PCBD2: variants seen among roughly 807,000 people sequenced by gnomAD.
PCBD2 encodes the protein pterin-4 alpha-carbinolamine dehydratase 2.
PCBD2 carries 12 observed loss-of-function variants against 16.4 expected under a neutral mutation model. That is an observed-to-expected ratio of 0.73 (90% confidence interval 0.47 to 1.19). PCBD2 has a LOEUF of 1.19. Ranked by LOEUF, PCBD2 falls within the 50% of genes most tolerant of loss-of-function variation. PCBD2 has a pLI of 0.00. For synonymous variants in PCBD2, 58 were observed against 61.8 expected (o/e 0.94, Z 0.29); for missense variants, 138 against 156.8 (o/e 0.88, Z 0.64).
chr5:134,912,887 CT>C (rs1349176685), intron 2 of PCBD2, among the ~76,000 whole-genome samples: 1 of 152,120 alleles, frequency 6.6e-6, no homozygotes, highest in Non-Finnish European at 1.5e-5. Context: ...CTGATGGGTC[CT>C]CATTCATCTT....
At chr5:134,941,197 C>T (rs1372386978) in intron 2 of PCBD2, among the ~76,000 whole-genome samples, 3 of 151,360 alleles carry the variant, frequency 2.0e-5, no homozygotes, top group African/African-American at 4.9e-5. Context: ...ACACTGCCTG[C>T]ACCTTGGAGG....
At chr5:134,915,720 GGGT>G (rs1181589243) in intron 2 of PCBD2, among the ~76,000 whole-genome samples, 1 of 151,996 alleles carries the variant, frequency 6.6e-6, no homozygotes, top group Non-Finnish European at 1.5e-5. Context: ...CAAAGTATTG[GGGT>G]TATAGGCATG....
chr5:134,927,118 A>C (rs2149534002), intron 2 of PCBD2: 1 of 398,532 alleles, frequency 2.5e-6, no homozygotes, highest in East Asian at 3.6e-5. Flanking sequence ...GTGAAGCTTC[A>C]GGGGGTTTGG....
chr5:134,906,007 C>T (rs994312803), intron 1 of PCBD2, among the ~76,000 whole-genome samples: 1 of 145,448 alleles, frequency 6.9e-6, no homozygotes, highest in African/African-American at 2.6e-5. Context: ...CGAGTAGCTG[C>T]GATTACAGGC....
At chr5:134,938,067 G>T (rs1183276515) in intron 2 of PCBD2, among the ~76,000 whole-genome samples, 1 of 152,186 alleles carries the variant, frequency 6.6e-6, no homozygotes, top group African/African-American at 2.4e-5. Context: ...CCAGTTGGGA[G>T]CCAAGACTCA....
chr5:134,943,369 G>C (rs1751255163), intron 2 of PCBD2, among the ~76,000 whole-genome samples: 1 of 152,124 alleles, frequency 6.6e-6, no homozygotes. Flanking sequence ...AGCAAGTGGG[G>C]CCTCAGTCTA....
At chr5:134,906,719 GTAATC>G (rs1045843785) in intron 1 of PCBD2, among the ~76,000 whole-genome samples, 19 of 152,288 alleles carry the variant, frequency 1.2e-4, no homozygotes, top group African/African-American at 4.6e-4. Context: ...TTCAAGATCT[GTAATC>G]TAAGCCTTTC....
intron 2 of PCBD2, among the ~76,000 whole-genome samples, chr5:134,916,682 T>G (rs1195946186): frequency 6.6e-6 from 1 of 152,334 alleles, no homozygotes; most frequent in African/African-American, 2.4e-5. Flanking sequence ...ATAATCCAAA[T>G]TCATTGGATA....
intron 1 of PCBD2, among the ~76,000 whole-genome samples, chr5:134,905,961 C>A (rs75484529): frequency 1.5e-4 from 23 of 152,206 alleles, no homozygotes; most frequent in South Asian, 8.3e-4. Context: ...CAACCTCCAT[C>A]TCCTGGGTTC....
At chr5:134,915,690 A>C (rs932215647) in intron 2 of PCBD2, among the ~76,000 whole-genome samples, 1 of 151,814 alleles carries the variant, frequency 6.6e-6, no homozygotes, top group Non-Finnish European at 1.5e-5. Flanking sequence ...GGCTCAAGTG[A>C]TCCTCCTGCC....
Position 134,905,195 on chromosome 5 carries a change from G to T in PCBD2, c.56G>T (p.Arg19Leu). The T allele has an allele frequency of 8.2e-7, 1 of 1,224,660 alleles. No homozygotes were observed. Among genetic ancestry groups the T allele is most frequent in the Non-Finnish European group, 1.0e-6 (1 of 983,536 alleles). The allele number at this position is 1,224,660 out of a possible 1,614,324, so 75.9% of individuals were successfully genotyped here. Residue 19 changes from arginine to leucine, a missense_variant, in exon 1 of 4, where the codon CGA (arginine) becomes CTA (leucine). By Grantham distance (102) the Arg-to-Leu change is moderately radical (BLOSUM62 -2). Transcript: ENST00000254908. ...ACGCGGCGCTTGTTGGCGGCGCTGCGAGGCCAGAGCCTAGGGCTAGCGGCC... is the reference window on the plus strand; with the variant it reads ...ACGCGGCGCTTGTTGGCGGCGCTGCTAGGCCAGAGCCTAGGGCTAGCGGCC... ...GATRRLLAALRGQSLGLAAMS... is the reference protein window; with the variant it reads ...GATRRLLAALLGQSLGLAAMS...
intron 1 of PCBD2, among the ~76,000 whole-genome samples, chr5:134,909,286 A>G (rs975898804): frequency 2.0e-5 from 3 of 152,226 alleles, no homozygotes; most frequent in African/African-American, 4.8e-5. Context: ...AGAGGGCTTC[A>G]TAAACCCACC....
At chr5:134,924,972 T>C (rs1750966537) in intron 2 of PCBD2, 2 of 392,872 alleles carry the variant, frequency 5.1e-6, no homozygotes, top group East Asian at 7.2e-5. Flanking sequence ...TTAGAAGTCC[T>C]AGGGAAGTGA....
rs368408794 is a variant in PCBD2 at position 134,911,316 on chromosome 5, T to TC, written c.216+855dup. Among the ~76,000 whole-genome samples the TC allele has an allele frequency of 1.2e-3, 185 of 152,132 alleles. 1 individual carries two copies. Among genetic ancestry groups the TC allele is most frequent in the African/African-American group, 3.4e-3 (143 of 41,514 alleles). ...CTGAACCTTTTCTTAAAACCTGACC[T>TC]CCCCCTTGGAAGTCAGCTTTAACAA... On this transcript the variant is annotated intron_variant, in intron 2 of 3. Coordinates refer to ENST00000254908, the MANE Select transcript of PCBD2 (RefSeq NM_032151.5).
At chr5:134,907,181 A>G (rs1167510217) in intron 1 of PCBD2, among the ~76,000 whole-genome samples, 4 of 152,278 alleles carry the variant, frequency 2.6e-5, no homozygotes, top group African/African-American at 7.2e-5. Context: ...GTGGACACAC[A>G]TAATTCTGTT....
intron 1 of PCBD2, among the ~76,000 whole-genome samples, chr5:134,908,091 T>A (rs567230446): frequency 3.3e-5 from 5 of 151,832 alleles, no homozygotes; most frequent in Admixed American, 1.3e-4. Context: ...GGCTATTTTT[T>A]AAAATTTTTT....
At chr5:134,926,435 T>G in intron 2 of PCBD2, 2 of 392,074 alleles carry the variant, frequency 5.1e-6, no homozygotes, top group Non-Finnish European at 9.0e-6. Context: ...AGGGCTAGGG[T>G]GGGTATAGTA....
intron 2 of PCBD2, among the ~76,000 whole-genome samples, chr5:134,922,696 T>G (rs1475299630): frequency 6.7e-6 from 1 of 149,292 alleles, no homozygotes; most frequent in Non-Finnish European, 1.5e-5. Context: ...GGAGTCTCGC[T>G]CTGTCACCCA....
chr5:134,914,854 G>C (rs1359724756), intron 2 of PCBD2, among the ~76,000 whole-genome samples: 1 of 151,968 alleles, frequency 6.6e-6, no homozygotes, highest in African/African-American at 2.4e-5. Context: ...TGTATTTATA[G>C]TAGAGATGGG....
Sources: gnomAD v4.1 joint callset for allele counts (sites outside exome capture counted in the v4.1 genomes callset) on GRCh38, gnomAD v4.1.1 for gene constraint, MANE v1.5 for transcripts, NCBI Gene and HGNC (gene_info 2026-07-23, HGNC 2026-07-21) for gene names.